AGBL1: variants seen among roughly 807,000 people sequenced by gnomAD.
The protein encoded by AGBL1 is AGBL carboxypeptidase 1.
Under a neutral mutation model 118.9 loss-of-function variants are expected in AGBL1, and 130 were observed. The observed-to-expected ratio is 1.09, with a 90% confidence interval of 0.95 to 1.26. AGBL1 has a LOEUF of 1.26. Ranked by LOEUF, AGBL1 falls within the 50% of genes most tolerant of loss-of-function variation. The pLI is 0.00. For missense variants in AGBL1, 1,584 were observed against 1,298.1 expected, an observed-to-expected ratio of 1.22 and a Z score of -3.38; for synonymous variants, 555 against 478.9, an observed-to-expected ratio of 1.16 and a Z score of -2.08.
At chr15:86,971,286 TC>T (rs764661570) in intron 23 of AGBL1, among the ~76,000 whole-genome samples, 3 of 152,060 alleles carry the variant, frequency 2.0e-5, no homozygotes, top group Non-Finnish European at 2.9e-5. Flanking sequence ...GAAGTATATT[TC>T]TTATGCCCTT....
At chr15:86,716,445 C>T (rs942405847) in intron 22 of AGBL1, among the ~76,000 whole-genome samples, 2 of 152,168 alleles carry the variant, frequency 1.3e-5, no homozygotes, top group African/African-American at 2.4e-5. Context: ...ATGTGACTTT[C>T]TTCCCAGTTT....
intron 24 of AGBL1, among the ~76,000 whole-genome samples, chr15:86,989,751 AAAG>A (rs1376407204): frequency 3.9e-5 from 6 of 152,322 alleles, no homozygotes; most frequent in East Asian, 3.9e-4. Context: ...GTACTATTTT[AAAG>A]AAGATGTTTA....
At chr15:86,980,653 G>A (rs1341657656) in intron 23 of AGBL1, among the ~76,000 whole-genome samples, 4 of 152,104 alleles carry the variant, frequency 2.6e-5, no homozygotes, top group East Asian at 1.9e-4. Context: ...GGACAAAAAC[G>A]TAGATTCCAC....
intron 20 of AGBL1, 56 bp from the exon 21 acceptor site, chr15:86,554,305 T>C: frequency 1.4e-6 from 2 of 1,399,232 alleles, no homozygotes; most frequent in Non-Finnish European, 1.9e-6. Context: ...ATTTTTATGA[T>C]GACTATCCCT....
intron 18 of AGBL1, among the ~76,000 whole-genome samples, chr15:86,507,649 G>GATGAC (rs1555420412): frequency 6.6e-6 from 1 of 152,080 alleles, no homozygotes; most frequent in Non-Finnish European, 1.5e-5. Context: ...TCTATGATGA[G>GATGAC]ATGACATTTG....
intron 24 of AGBL1, among the ~76,000 whole-genome samples, chr15:87,008,860 A>G (rs1399167519): frequency 1.3e-5 from 2 of 152,172 alleles, no homozygotes; most frequent in African/African-American, 4.8e-5. Context: ...AACTTCAGAG[A>G]GATGATTTAG....
intron 22 of AGBL1, among the ~76,000 whole-genome samples, chr15:86,733,750 C>T (rs898423567): frequency 3.3e-5 from 5 of 152,098 alleles, no homozygotes; most frequent in African/African-American, 1.2e-4. Context: ...TCAGAAAATT[C>T]AAAGATCTTC....
chr15:86,336,527 C>G (rs1440473491), intron 17 of AGBL1, among the ~76,000 whole-genome samples: 1 of 152,198 alleles, frequency 6.6e-6, no homozygotes, highest in African/African-American at 2.4e-5. Flanking sequence ...TCTGGAATAA[C>G]AACTGTTGCG....
chr15:86,827,821 T>C (rs933069820), intron 22 of AGBL1, among the ~76,000 whole-genome samples: 2 of 150,072 alleles, frequency 1.3e-5, no homozygotes, highest in Non-Finnish European at 3.0e-5. Context: ...GCCAGGTGGA[T>C]TGTGGTGGAT....
At chr15:86,266,640 C>A (rs184903542) in intron 12 of AGBL1, among the ~76,000 whole-genome samples, 183 bp downstream of exon 12, 1 of 152,196 alleles carries the variant, frequency 6.6e-6, no homozygotes. Context: ...CAGTGGCTCA[C>A]GCCTGTAATC....
At chr15:86,919,587 C>A (rs1279552415), downstream of AGBL1, among the ~76,000 whole-genome samples, 1 of 123,530 alleles carries the variant, frequency 8.1e-6, no homozygotes, top group African/African-American at 2.6e-5. Context: ...CACACACACA[C>A]ACACACACAC....
intron 19 of AGBL1, among the ~76,000 whole-genome samples, chr15:86,536,895 G>A (rs1331885426): frequency 6.6e-6 from 1 of 152,186 alleles, no homozygotes; most frequent in Non-Finnish European, 1.5e-5. Context: ...TGAAAACAGA[G>A]GCTTCCGATG....
chr15:86,569,245 A>T (rs937648000), intron 21 of AGBL1, among the ~76,000 whole-genome samples: 1 of 150,134 alleles, frequency 6.7e-6, no homozygotes, highest in African/African-American at 2.4e-5. Flanking sequence ...CAGCCTGGGC[A>T]ATATAGGCAG....
intron 21 of AGBL1, among the ~76,000 whole-genome samples, chr15:86,602,692 T>C (rs2142373578): frequency 6.6e-6 from 1 of 152,310 alleles, no homozygotes; most frequent in African/African-American, 2.4e-5. Context: ...TTCTATTTTA[T>C]AAACAAGATG....
intron 22 of AGBL1, among the ~76,000 whole-genome samples, chr15:86,741,420 A>AAAAAAAAAAAAT (rs2077678109): frequency 7.5e-6 from 1 of 134,058 alleles, no homozygotes; most frequent in Non-Finnish European, 1.6e-5. Flanking sequence ...AAAAAAAAAA[A>AAAAAAAAAAAAT]AGAATTCAAC....
chr15:86,839,887 A>T (rs550149668), intron 22 of AGBL1, among the ~76,000 whole-genome samples: 1 of 152,236 alleles, frequency 6.6e-6, no homozygotes, highest in African/African-American at 2.4e-5. Flanking sequence ...CCTTACCATA[A>T]CCACGATGTT....
chr15:86,644,879 G>C (rs1410384568), intron 21 of AGBL1, among the ~76,000 whole-genome samples: 2 of 147,346 alleles, frequency 1.4e-5, no homozygotes, highest in African/African-American at 5.0e-5. Flanking sequence ...AAAATAGCTG[G>C]GCGTGGTGGC....
intron 22 of AGBL1, among the ~76,000 whole-genome samples, chr15:86,741,065 T>C (rs755743849): frequency 2.7e-4 from 41 of 152,034 alleles, no homozygotes; most frequent in Non-Finnish European, 5.4e-4. Flanking sequence ...CTCTGAATGG[T>C]AAAACTCCTC....
At chr15:86,229,314 T>C (rs915128342) in intron 6 of AGBL1, among the ~76,000 whole-genome samples, 2 of 152,116 alleles carry the variant, frequency 1.3e-5, no homozygotes, top group Non-Finnish European at 2.9e-5. Context: ...CTTACAATCA[T>C]GGCAGAAGGG....
Sources: gnomAD v4.1 joint callset for allele counts (sites outside exome capture counted in the v4.1 genomes callset) on GRCh38, gnomAD v4.1.1 for gene constraint, MANE v1.5 for transcripts, NCBI Gene and HGNC (gene_info 2026-07-23, HGNC 2026-07-21) for gene names.